ATP2A1: variants seen among roughly 807,000 people sequenced by gnomAD.
The protein encoded by ATP2A1 is sarcoplasmic/endoplasmic reticulum calcium ATPase 1.
Under a neutral mutation model 109.5 loss-of-function variants are expected in ATP2A1, and 83 were observed. The observed-to-expected ratio is 0.76, with a 90% confidence interval of 0.63 to 0.91. ATP2A1 has a LOEUF of 0.91. Among genes scored for constraint, ATP2A1 ranks in the 40% least tolerant of loss-of-function variants. The pLI, the probability that ATP2A1 is intolerant of heterozygous loss-of-function variation, is 0.00. For missense variants in ATP2A1, 1,101 were observed against 1,341.0 expected, an observed-to-expected ratio of 0.82 and a Z score of 2.80; for synonymous variants, 505 against 537.6, an observed-to-expected ratio of 0.94 and a Z score of 0.84.
chr16:28,884,689 T>C (rs765146265), intron 6 of ATP2A1, 34 bp downstream of exon 6: 2 of 1,575,774 alleles, frequency 1.3e-6, no homozygotes, highest in South Asian at 2.2e-5. Flanking sequence ...TGCATGGGGG[T>C]GGGACGTGGG....
intron 1 of ATP2A1, 61 bp downstream of exon 1, chr16:28,878,850 G>A (rs570001057): frequency 2.6e-6 from 4 of 1,515,664 alleles, no homozygotes; most frequent in South Asian, 1.1e-5. Context: ...CAAAACACAC[G>A]CACACGCATG....
At chr16:28,889,061 G>A in intron 9 of ATP2A1, 108 bp downstream of exon 9, 1 of 1,493,704 alleles carries the variant, frequency 6.7e-7, no homozygotes, top group Non-Finnish European at 9.2e-7. Context: ...TTCTCATCTG[G>A]GCCTGCAAAA....
intron 15 of ATP2A1, among the ~76,000 whole-genome samples, 154 bp downstream of exon 15, chr16:28,901,070 G>A (rs1026723450): frequency 6.6e-6 from 1 of 152,104 alleles, no homozygotes; most frequent in African/African-American, 2.4e-5. Flanking sequence ...AGGATTTGTG[G>A]GCTGGGCCTG....
chr16:28,881,414 G>GTT (rs1292446603), intron 4 of ATP2A1: 1 of 292,632 alleles, frequency 3.4e-6, no homozygotes, highest in Non-Finnish European at 6.6e-6. Flanking sequence ...GGTTTGTTTT[G>GTT]TTTTGTTTTG....
chr16:28,880,161 T>C lies in ATP2A1; in HGVS notation c.219+578T>C, dbSNP rs1596661072. 4.0e-6 allele frequency: 4 copies of C among 989,418 alleles called. No individual in the cohort carries two copies. The highest frequency in any genetic ancestry group is 4.8e-6 in the Non-Finnish European group (4 of 832,202). 61.3% of individuals were successfully genotyped at this position (989,418 alleles called of 1,614,324 possible). ...GGCCTTAGCCCTTCCCCGCGCTCCC[T>C]AGGCACCCCCACCCCCGCAGGGCAT... is the stretch of plus-strand genomic sequence containing the variant. On this transcript the variant is annotated intron_variant, in intron 3 of 22. Transcript: ENST00000395503. This position sits in a 1 kb window ranked among gnomAD's most constrained non-coding sequence, Gnocchi z 4.2.
chr16:28,903,572 T>TC lies in ATP2A1; in HGVS notation c.2981-123dup. The TC allele has an allele frequency of 8.3e-7, 1 of 1,202,860 alleles. No homozygotes were observed. Among genetic ancestry groups the TC allele is most frequent in the Non-Finnish European group, 1.2e-6 (1 of 806,602 alleles). 74.5% of individuals were successfully genotyped at this position (1,202,860 alleles called of 1,614,324 possible). ...CTGGCAGGACCTGTGTCCGCCCCGTTCCCCCTGCGCCTGCAGGGGCCACAT... is the reference window on the plus strand; with the variant it reads ...CTGGCAGGACCTGTGTCCGCCCCGTTCCCCCCTGCGCCTGCAGGGGCCACAT... On this transcript the variant is annotated intron_variant, in intron 21 of 22. Transcript: ENST00000395503. The surrounding 1 kb of genome is among the most constrained non-coding windows in gnomAD (Gnocchi z 5.6).
At chr16:28,893,112 C>T (rs1378422415) in intron 9 of ATP2A1, among the ~76,000 whole-genome samples, 2 of 148,230 alleles carry the variant, frequency 1.3e-5, no homozygotes, top group Non-Finnish European at 3.0e-5. Flanking sequence ...CTCCCAGCAT[C>T]ATGGTGGGTG....
chr16:28,889,939 C>T (rs374966083), intron 9 of ATP2A1, among the ~76,000 whole-genome samples: 1 of 152,190 alleles, frequency 6.6e-6, no homozygotes. Flanking sequence ...GTCAGGAGTT[C>T]GAGATGAGCC....
At chr16:28,891,447 G>A (rs1274159115) in intron 9 of ATP2A1, among the ~76,000 whole-genome samples, 1 of 151,904 alleles carries the variant, frequency 6.6e-6, no homozygotes, top group Non-Finnish European at 1.5e-5. Context: ...TACAAAATTA[G>A]CTGGGCGTGG....
In ATP2A1 at chr16:28,883,424, A is replaced by T. The variant is rs1963541123; in HGVS notation, c.463+835A>T. Among the ~76,000 whole-genome samples, 2 of 151,914 alleles carry T rather than the reference A, an allele frequency of 1.3e-5. No individual in the cohort carries two copies. The highest frequency in any genetic ancestry group is 1.3e-4 in the Admixed American group (2 of 15,264). Reference sequence around the variant, plus strand: ...AGCGCCATGAATGTCTATAAATATCACGCGGGCTTGGGTGACAGGGTGTCC... The same window carrying T: ...AGCGCCATGAATGTCTATAAATATCTCGCGGGCTTGGGTGACAGGGTGTCC... On this transcript the variant is annotated intron_variant, in intron 5 of 22. Transcript: ENST00000395503. The surrounding 1 kb of genome is among the most constrained non-coding windows in gnomAD (Gnocchi z 5.2).
chr16:28,900,998 CAGAG>C, intron 15 of ATP2A1, 82 bp downstream of exon 15: 1 of 1,548,888 alleles, frequency 6.5e-7, no homozygotes, highest in Non-Finnish European at 8.9e-7. Flanking sequence ...GGCCCAGGGC[CAGAG>C]GGCCCTGGTA....
rs778854208 is a variant in ATP2A1, at chr16:28,902,184, T to C, written c.2322T>C (p.Cys774=). ...LISSNVGEVV[C]IFLTAALGLP... is the part of the protein sequence containing the mutation. ...AGGTGTGACCACCTCCTTCCCACAG[T>C]ATCTTCCTGACCGCTGCCCTGGGGC... Residue 774 remains cysteine, a splice_region_variant and synonymous_variant, in exon 17 of 23, where the codon TGT becomes TGC. Transcript: ENST00000395503. This position sits in a 1 kb window ranked among gnomAD's most constrained non-coding sequence, Gnocchi z 4.8. 2 of 1,614,120 alleles carry C rather than the reference T, an allele frequency of 1.2e-6. No homozygotes were observed. Among genetic ancestry groups the C allele is most frequent in the Non-Finnish European group, 8.5e-7 (1 of 1,179,980 alleles).
At chr16:28,897,579 C>T (rs567633628) in intron 12 of ATP2A1, among the ~76,000 whole-genome samples, 46 of 152,118 alleles carry the variant, frequency 3.0e-4, no homozygotes, top group South Asian at 4.2e-4. Flanking sequence ...CTCGCTTTGT[C>T]GCCCAGGCTG....
chr16:28,892,555 T>C (rs886795661), intron 9 of ATP2A1: 3 of 155,540 alleles, frequency 1.9e-5, no homozygotes, highest in African/African-American at 7.2e-5. Flanking sequence ...GGTTCCCAAG[T>C]TTTTTTTCTG....
At chr16:28,879,469 A>G in intron 2 of ATP2A1, 32 bp from the exon 3 acceptor site, 1 of 1,603,660 alleles carries the variant, frequency 6.2e-7, no homozygotes, top group Non-Finnish European at 8.5e-7. Flanking sequence ...CTAGACCTTA[A>G]CCCGGGGCCC....
In ATP2A1 at chr16:28,898,247, C is replaced by T. The variant is rs138565447; in HGVS notation, c.1560C>T (p.Gly520=). 9.3e-4 allele frequency: 1,508 copies of T among 1,614,106 alleles called. 2 individuals carry two copies. The highest frequency in any genetic ancestry group is 1.2e-3 in the Non-Finnish European group (1,428 of 1,180,054). The change falls in exon 14 of 23, where the codon GGC becomes GGT. Residue 520 remains glycine (G), a synonymous_variant. Coordinates refer to ENST00000395503, the MANE Select transcript of ATP2A1 (RefSeq NM_004320.6). This position sits in a 1 kb window ranked among gnomAD's most constrained non-coding sequence, Gnocchi z 4.0. ...TGGTCTCCTAGGGTGCCCCTGAGGGCGTCATCGACCGCTGTAACTATGTGC... is the reference window on the plus strand; with the variant it reads ...TGGTCTCCTAGGGTGCCCCTGAGGGTGTCATCGACCGCTGTAACTATGTGC... ...NKMFVKGAPE[G]VIDRCNYVRV...
chr16:28,890,179 G>A (rs1963729873), intron 9 of ATP2A1, among the ~76,000 whole-genome samples: 1 of 151,548 alleles, frequency 6.6e-6, no homozygotes, highest in African/African-American at 2.4e-5. Flanking sequence ...AATAAAATAA[G>A]CCAGGGGTGG....
Position 28,883,251 on chromosome 16 carries a change from C to G in ATP2A1, c.463+662C>G, listed in dbSNP as rs960472774. On this transcript the variant is annotated intron_variant, in intron 5 of 22. Transcript: ENST00000395503. The surrounding 1 kb of genome is among the most constrained non-coding windows in gnomAD (Gnocchi z 5.2). ...CCTTCCCGAAGCTCCAGGCCCCTGC[C>G]AGGGGGAATGGCTCTTCAGAGGCCT... 6.6e-6 allele frequency among the ~76,000 whole-genome samples: 1 copy of G among 152,196 alleles called. No individual in the cohort carries two copies. The highest frequency in any genetic ancestry group is 1.5e-5 in the Non-Finnish European group (1 of 68,020).
In ATP2A1 at chr16:28,880,021, T is replaced by C. The variant is rs1018186663; in HGVS notation, c.219+438T>C. ...TCCCCAGCCTCCTGACGCTGATTGG[T>C]CGAGGGGAGGACTCGCTCCTAGTGG... is the stretch of plus-strand genomic sequence containing the variant. On this transcript the variant is annotated intron_variant, in intron 3 of 22. Transcript: ENST00000395503. This position sits in a 1 kb window ranked among gnomAD's most constrained non-coding sequence, Gnocchi z 4.2. The C allele has an allele frequency of 9.9e-6, 10 of 1,009,878 alleles. No individual in the cohort carries two copies. In the African/African-American group the frequency reaches 1.6e-4, roughly 16 times the overall value. 62.6% of individuals were successfully genotyped at this position (1,009,878 alleles called of 1,614,324 possible).
Sources: allele counts gnomAD v4.1 joint callset (sites outside exome capture counted in the v4.1 genomes callset), GRCh38; gene constraint gnomAD v4.1.1; non-coding constraint Gnocchi (gnomAD v3.1); transcripts MANE v1.5; gene names NCBI Gene and HGNC (gene_info 2026-07-23, HGNC 2026-07-21).